SV2B: variants seen among roughly 807,000 people sequenced by gnomAD.
The protein encoded by SV2B is solute carrier family 22 member B2.
SV2B carries 41 observed loss-of-function variants against 73.9 expected under a neutral mutation model. That is an observed-to-expected ratio of 0.56 (90% CI 0.43 to 0.72). The LOEUF (loss-of-function observed/expected upper bound fraction) is 0.72, where lower values mean the gene tolerates loss of function less well. Among genes scored for constraint, SV2B ranks in the 30% least tolerant of loss-of-function variants. SV2B has a pLI of 0.00. For missense variants in SV2B, 764 were observed against 857.8 expected (o/e 0.89, Z 1.37); for synonymous variants, 314 against 314.2 (o/e 1.00, Z 0.01).
At chr15:91,153,834 A>G (rs1447190947) in intron 1 of SV2B, among the ~76,000 whole-genome samples, 1 of 152,090 alleles carries the variant, frequency 6.6e-6, no homozygotes, top group African/African-American at 2.4e-5. Context: ...GGCAGGGGAC[A>G]GTAACACAAC....
In SV2B at chr15:91,299,694, G is replaced by T. The variant is rs1429346642; in HGVS notation, c.*7142G>T. The T allele has an allele frequency of 3.3e-5, 5 of 151,968 alleles. No homozygotes were observed. The highest frequency in any genetic ancestry group is 1.2e-4 in the African/African-American group (5 of 41,344). 9.4% of individuals were successfully genotyped at this position (151,968 alleles called of 1,614,324 possible). A position where few individuals can be genotyped will look rare whatever the true frequency, so the allele number is the denominator to read the frequency against. On this transcript the variant is annotated 3_prime_UTR_variant, in exon 13 of 13. Transcript: ENST00000394232. Reference sequence around the variant, plus strand: ...GAGTCTCACTCTGTCATCTAGGCTGGAGTGCAGTGGTGCAATCTTGGCTTG... The same window carrying T: ...GAGTCTCACTCTGTCATCTAGGCTGTAGTGCAGTGGTGCAATCTTGGCTTG...
chr15:91,137,011 A>C lies in SV2B; in HGVS notation c.-392+36648A>C, dbSNP rs1388357204. Among the ~76,000 whole-genome samples, 2 of 152,168 alleles carry C rather than the reference A, an allele frequency of 1.3e-5. No individual in the cohort carries two copies. The highest frequency in any genetic ancestry group is 4.8e-5 in the African/African-American group (2 of 41,442). On this transcript the variant is annotated intron_variant, in intron 1 of 12. Coordinates refer to ENST00000394232, the MANE Select transcript of SV2B (RefSeq NM_001323032.3). The surrounding 1 kb of genome is among the most constrained non-coding windows in gnomAD (Gnocchi z 4.9). ...CAGAAGACAACCTGCAGGCAAAGCA[A>C]AAGCACTGGTATGTGATTTTTAGGG...
At chr15:91,238,273 T>C (rs1375196289) in intron 2 of SV2B, among the ~76,000 whole-genome samples, 1 of 152,238 alleles carries the variant, frequency 6.6e-6, no homozygotes, top group Non-Finnish European at 1.5e-5. Context: ...GCATCCATTT[T>C]GTACTAGGTA....
chr15:91,183,264 A>G (rs78097853), intron 1 of SV2B, among the ~76,000 whole-genome samples: 2,976 of 152,346 alleles, frequency 0.02, 84 homozygotes, highest in African/African-American at 0.064. Context: ...AATTATCCAC[A>G]TAAATGTGGG....
At position 91,151,251 on chromosome 15, in the gene SV2B, A is replaced by G. The variant is rs138153009; in HGVS notation, c.-392+50888A>G. Among the ~76,000 whole-genome samples, 373 of 152,374 alleles carry G rather than the reference A, an allele frequency of 2.4e-3. 5 individuals carry two copies. Among genetic ancestry groups the G allele is most frequent in the African/African-American group, 7.9e-3 (330 of 41,594 alleles). On this transcript the variant is annotated intron_variant, in intron 1 of 12. Transcript: ENST00000394232. ...ACCATCTGAAGAGAAAAACCATGTCATTAATGGTTACACAGAAAAATTGAG... is the reference window on the plus strand; with the variant it reads ...ACCATCTGAAGAGAAAAACCATGTCGTTAATGGTTACACAGAAAAATTGAG...
At chr15:91,162,789 A>G (rs917553354) in intron 1 of SV2B, among the ~76,000 whole-genome samples, 3 of 152,126 alleles carry the variant, frequency 2.0e-5, no homozygotes, top group African/African-American at 4.8e-5. Context: ...TTTTTATTAT[A>G]CTTTAAGTTC....
chr15:91,206,210 T>TC (rs562373733), intron 1 of SV2B, among the ~76,000 whole-genome samples: 1 of 149,762 alleles, frequency 6.7e-6, no homozygotes, highest in African/African-American at 2.5e-5. Context: ...GCTTTTTTTT[T>TC]TTTTTTTTTT....
At chr15:91,210,682 G>A (rs368297191) in intron 1 of SV2B, among the ~76,000 whole-genome samples, 4 of 152,178 alleles carry the variant, frequency 2.6e-5, no homozygotes, top group African/African-American at 9.7e-5. Flanking sequence ...CTTTTAGGAA[G>A]AGATCAAATT....
intron 1 of SV2B, among the ~76,000 whole-genome samples, chr15:91,120,073 G>A (rs1302813786): frequency 1.3e-5 from 2 of 152,160 alleles, no homozygotes; most frequent in African/African-American, 4.8e-5. Context: ...TATTTGTATG[G>A]TTTCCAGCCT....
At chr15:91,174,979 G>A (rs2044249995) in intron 1 of SV2B, among the ~76,000 whole-genome samples, 1 of 152,164 alleles carries the variant, frequency 6.6e-6, no homozygotes. Flanking sequence ...AGTTCTCCAA[G>A]AGCATGGATG....
Position 91,267,595 on chromosome 15 carries a change from G to T in SV2B, c.1160G>T (p.Arg387Ile). The T allele has an allele frequency of 6.2e-7, 1 of 1,613,504 alleles. No individual in the cohort carries two copies. ...CTGTACTGTGTGATGGGGCCCTACA[G>T]AATGAATACACTGATTCTGGCCGTG... Reference protein sequence around the residue: ...NALYCVMGPYRMNTLILAVVW... With the variant: ...NALYCVMGPYIMNTLILAVVW... Residue 387 changes from arginine (R) to isoleucine (I), a missense_variant, in exon 8 of 13, where the codon AGA becomes ATA. Physicochemically the swap from Arg to Ile is moderately conservative, Grantham distance 97. Coordinates refer to ENST00000394232, the MANE Select transcript of SV2B (RefSeq NM_001323032.3). The surrounding 1 kb of genome is among the most constrained non-coding windows in gnomAD (Gnocchi z 4.3).
At chr15:91,278,690 A>AAG (rs1170094970) in intron 9 of SV2B, among the ~76,000 whole-genome samples, 6 of 149,790 alleles carry the variant, frequency 4.0e-5, no homozygotes, top group Non-Finnish European at 8.9e-5. Flanking sequence ...AAAAAAAAAA[A>AAG]AAAAAAAAAG....
At chr15:91,270,446 A>G (rs1009926022) in intron 9 of SV2B, among the ~76,000 whole-genome samples, 4 of 152,230 alleles carry the variant, frequency 2.6e-5, no homozygotes, top group Non-Finnish European at 5.9e-5. Context: ...CACACAGCTA[A>G]TATACATAGA....
chr15:91,196,466 C>T lies in SV2B; in HGVS notation c.-391-29407C>T, dbSNP rs139914389. Among the ~76,000 whole-genome samples, 62 of 152,286 alleles carry T rather than the reference C, an allele frequency of 4.1e-4. 2 individuals carry two copies. Among genetic ancestry groups the T allele is most frequent in the African/African-American group, 1.4e-3 (57 of 41,572 alleles). ...AATTAGATTTTATAGGCTAATTGGA[C>T]ACCCCTTGGATATGCAGGGCCCAGC... On this transcript the variant is annotated intron_variant, in intron 1 of 12. Coordinates refer to ENST00000394232, the MANE Select transcript of SV2B (RefSeq NM_001323032.3).
Position 91,289,707 on chromosome 15 carries a change from G to GCTTCCCCAAACAA in SV2B, c.1868+27_1868+28insCTTCCCCAAACAA. ...TCAGTTCTTCCCCAGGCTTTCCTCA[G>GCTTCCCCAAACAA]GGACTTGTTTGGGCTTCTTTGGCCA... On this transcript the variant is annotated intron_variant, in intron 12 of 12. Coordinates refer to ENST00000394232, the MANE Select transcript of SV2B (RefSeq NM_001323032.3). The surrounding 1 kb of genome is among the most constrained non-coding windows in gnomAD (Gnocchi z 4.9). The GCTTCCCCAAACAA allele has an allele frequency of 6.2e-7, 1 of 1,604,930 alleles. No homozygotes were observed. The highest frequency in any genetic ancestry group is 1.1e-5 in the South Asian group (1 of 90,294).
At chr15:91,165,338 A>T (rs2141262193) in intron 1 of SV2B, among the ~76,000 whole-genome samples, 2 of 152,314 alleles carry the variant, frequency 1.3e-5, no homozygotes, top group East Asian at 3.9e-4. Context: ...TCTCAAAAAA[A>T]AATTATTTTT....
In SV2B at chr15:91,258,500, C is replaced by T. The variant is rs768863117; in HGVS notation, c.864C>T (p.Thr288=). Residue 288 remains threonine, a synonymous_variant, in exon 5 of 13, where the codon ACC becomes ACT. Transcript: ENST00000394232. The surrounding 1 kb of genome is among the most constrained non-coding windows in gnomAD (Gnocchi z 4.7). Reference sequence around the variant, plus strand: ...TCATCGTCTGTGCTCTGCCCTGCACCGTGTCCATGGTGGCCCTGAAGTTCA... The same window carrying T: ...TCATCGTCTGTGCTCTGCCCTGCACTGTGTCCATGGTGGCCCTGAAGTTCA... ...VFVIVCALPC[T]VSMVALKFMP... The T allele has an allele frequency of 2.9e-5, 46 of 1,614,012 alleles. No individual in the cohort carries two copies. Among genetic ancestry groups the T allele is most frequent in the African/African-American group, 6.7e-5 (5 of 74,920 alleles).
intron 1 of SV2B, among the ~76,000 whole-genome samples, chr15:91,171,885 C>A (rs545767735): frequency 1.3e-5 from 2 of 152,290 alleles, no homozygotes; most frequent in South Asian, 2.1e-4. Flanking sequence ...ACATCTCCCA[C>A]CCCTCCTTTA....
At chr15:91,167,920 C>T (rs2043972009) in intron 1 of SV2B, among the ~76,000 whole-genome samples, 1 of 152,120 alleles carries the variant, frequency 6.6e-6, no homozygotes, top group African/African-American at 2.4e-5. Context: ...AAGGGCTGAC[C>T]TACCTCCTGT....
Sources: allele counts gnomAD v4.1 joint callset (sites outside exome capture counted in the v4.1 genomes callset), GRCh38; gene constraint gnomAD v4.1.1; non-coding constraint Gnocchi (gnomAD v3.1); transcripts MANE v1.5; gene names NCBI Gene and HGNC (gene_info 2026-07-23, HGNC 2026-07-21).